The following AFF3 variants were observed in gnomAD, a reference collection of about 807,000 sequenced individuals.
The protein encoded by AFF3 is AF4/FMR2 family member 3.
A neutral mutation model predicts 129.7 loss-of-function variants in AFF3; 32 were observed. The observed-to-expected ratio is 0.25, with a 90% CI of 0.19 to 0.33. AFF3 has a LOEUF of 0.33. AFF3 is among the 10% of genes least tolerant of loss of function. The pLI is 1.00. For missense variants in AFF3, 1,373 were observed against 1,592.0 expected (o/e 0.86, Z 2.34); for synonymous variants, 644 against 635.4 (o/e 1.01, Z -0.20).
chr2:100,105,601 G>C lies in AFF3; in HGVS notation c.-144-18C>G. The C allele has an allele frequency of 2.2e-6, 3 of 1,335,530 alleles. No individual in the cohort carries two copies. Among genetic ancestry groups the C allele is most frequent in the Non-Finnish European group, 3.0e-6 (3 of 1,007,136 alleles). 82.7% of individuals were successfully genotyped at this position (1,335,530 alleles called of 1,614,324 possible). On this transcript the variant is annotated intron_variant, in intron 2 of 24. Coordinates refer to ENST00000672756, the MANE Select transcript of AFF3 (RefSeq NM_001386135.1). ...GTGATCAGCTAGAAGGGTGATAAGA[G>C]TATCATCGTGGCTCCTAAAGAGTAA...
chr2:99,786,537 A>C (rs963386278), intron 8 of AFF3, among the ~76,000 whole-genome samples: 1 of 152,236 alleles, frequency 6.6e-6, no homozygotes, highest in Non-Finnish European at 1.5e-5. Context: ...CATGGTAATA[A>C]TGCAAGTATG....
At chr2:99,896,899 T>C (rs1458524397) in intron 7 of AFF3, among the ~76,000 whole-genome samples, 1 of 152,048 alleles carries the variant, frequency 6.6e-6, no homozygotes, top group African/African-American at 2.4e-5. Context: ...CCTCCCAAAG[T>C]GCTGGGATTA....
At chr2:100,130,163 C>T (rs1692367151) in intron 1 of AFF3, among the ~76,000 whole-genome samples, 1 of 152,170 alleles carries the variant, frequency 6.6e-6, no homozygotes, top group African/African-American at 2.4e-5. Context: ...AGATAGGAGT[C>T]TCCAAACTCA....
At chr2:99,914,009 T>G (rs1188152046) in intron 7 of AFF3, among the ~76,000 whole-genome samples, 7 of 152,188 alleles carry the variant, frequency 4.6e-5, no homozygotes, top group Non-Finnish European at 1.0e-4. Context: ...CTGTATTAAT[T>G]GCTTCTGGTA....
intron 4 of AFF3, among the ~76,000 whole-genome samples, chr2:100,030,379 T>G (rs998655467): frequency 4.6e-5 from 7 of 152,124 alleles, no homozygotes; most frequent in African/African-American, 1.2e-4. Context: ...AAAAAGCTAA[T>G]GTACAGCTTT....
chr2:99,866,233 T>G lies in AFF3; in HGVS notation c.874-28709A>C, dbSNP rs1691389169. 2.6e-5 allele frequency among the ~76,000 whole-genome samples: 4 copies of G among 152,240 alleles called. No homozygotes were observed. In the South Asian group the frequency reaches 8.3e-4, roughly 32 times the overall value. On this transcript the variant is annotated intron_variant, in intron 7 of 24. Transcript: ENST00000672756. ...CAGTTCTTCCACATTTCAAGAGAGA[T>G]GCTAACCAACTCCACATGGTGTTCA...
At chr2:99,738,689 C>T (rs1215300269) in intron 10 of AFF3, among the ~76,000 whole-genome samples, 3 of 152,094 alleles carry the variant, frequency 2.0e-5, no homozygotes, top group Non-Finnish European at 4.4e-5. Context: ...ATTTTTCTAA[C>T]ACACCTATCC....
At chr2:99,561,304 G>T (rs1675450236) in intron 20 of AFF3, among the ~76,000 whole-genome samples, 1 of 152,200 alleles carries the variant, frequency 6.6e-6, no homozygotes, top group African/African-American at 2.4e-5. Flanking sequence ...AATTGCTCAA[G>T]AAACATACTG....
intron 7 of AFF3, among the ~76,000 whole-genome samples, chr2:99,982,899 C>T (rs1037161852): frequency 6.6e-5 from 10 of 152,112 alleles, no homozygotes; most frequent in South Asian, 2.1e-4. Flanking sequence ...GACTTAGGTT[C>T]GCTCACCTAT....
intron 8 of AFF3, among the ~76,000 whole-genome samples, chr2:99,784,826 T>C (rs1053684498): frequency 2.0e-5 from 3 of 152,368 alleles, no homozygotes; most frequent in East Asian, 3.9e-4. Context: ...TCAGGTGATC[T>C]CTATAGGCTG....
At chr2:99,811,462 G>C (rs1686784487) in intron 8 of AFF3, among the ~76,000 whole-genome samples, 3 of 151,806 alleles carry the variant, frequency 2.0e-5, no homozygotes, top group Admixed American at 2.0e-4. Flanking sequence ...TATTCAAACC[G>C]AGGCATGTGG....
intron 4 of AFF3, chr2:100,011,623 G>A: frequency 2.6e-6 from 2 of 779,184 alleles, no homozygotes; most frequent in Non-Finnish European, 2.4e-6. Context: ...AACCTGATTA[G>A]CCTTGAGTAT....
rs1329795147 is a variant in AFF3 at position 99,826,906 on chromosome 2, G to T, written c.921+10571C>A. On this transcript the variant is annotated intron_variant, in intron 8 of 24. Transcript: ENST00000672756. ...GGTCTCTGGAGTCATGTAGGAAAAG[G>T]ATGGTGGATGAACAAGGAGATAGCT... 2.0e-5 allele frequency among the ~76,000 whole-genome samples: 3 copies of T among 152,140 alleles called. 1 individual carries two copies. Among genetic ancestry groups the T allele is most frequent in the African/African-American group, 7.2e-5 (3 of 41,424 alleles).
chr2:100,060,772 G>A (rs564918797), intron 4 of AFF3, among the ~76,000 whole-genome samples: 108 of 152,188 alleles, frequency 7.1e-4, no homozygotes, highest in African/African-American at 2.5e-3. Flanking sequence ...CAATGAGGGA[G>A]GCAACACTGG....
intron 13 of AFF3, among the ~76,000 whole-genome samples, chr2:99,638,362 T>C (rs1683859940): frequency 6.6e-6 from 1 of 152,108 alleles, no homozygotes; most frequent in Non-Finnish European, 1.5e-5. Flanking sequence ...CCAGAACCAG[T>C]TGTCTTTTCA....
chr2:99,607,151 T>A (rs561913106), intron 13 of AFF3, among the ~76,000 whole-genome samples: 21 of 152,224 alleles, frequency 1.4e-4, no homozygotes, highest in African/African-American at 5.1e-4. Context: ...CTCTAAATGA[T>A]CTGCTTGGTG....
At chr2:100,050,734 C>G (rs1423432570) in intron 4 of AFF3, among the ~76,000 whole-genome samples, 2 of 152,206 alleles carry the variant, frequency 1.3e-5, no homozygotes, top group Non-Finnish European at 2.9e-5. Flanking sequence ...CCCTAAAGGG[C>G]AGATCATTAC....
At chr2:100,044,088 G>A (rs891121210) in intron 4 of AFF3, among the ~76,000 whole-genome samples, 2 of 152,206 alleles carry the variant, frequency 1.3e-5, no homozygotes, top group African/African-American at 4.8e-5. Context: ...ATCTGGCCAT[G>A]GGGCCAGGAA....
chr2:99,766,233 G>A (rs1196868969), intron 8 of AFF3, among the ~76,000 whole-genome samples: 2 of 152,396 alleles, frequency 1.3e-5, no homozygotes, highest in South Asian at 2.1e-4. Flanking sequence ...TGGTTTACCA[G>A]AGGGAAGGTT....
Sources: allele counts gnomAD v4.1 joint callset (sites outside exome capture counted in the v4.1 genomes callset), GRCh38; gene constraint gnomAD v4.1.1; transcripts MANE v1.5; gene names NCBI Gene and HGNC (gene_info 2026-07-23, HGNC 2026-07-21).